Variants in RPRD2 observed in about 807,000 individuals in gnomAD.
RPRD2 encodes regulation of nuclear pre-mRNA domain containing 2.
In RPRD2, 12 loss-of-function variants were observed where a neutral mutation model predicts 104.4. The observed-to-expected ratio is 0.11, with a 90% confidence interval of 0.07 to 0.19. The LOEUF is 0.19. Among genes scored for constraint, RPRD2 ranks in the 10% least tolerant of loss-of-function variants. RPRD2 has a pLI of 1.00. For missense variants in RPRD2, 1,543 were observed against 1,790.1 expected (o/e 0.86, Z 2.49); for synonymous variants, 714 against 684.9 (o/e 1.04, Z -0.66).
At chr1:150,365,167 A>G (rs1659739354) in intron 1 of RPRD2, among the ~76,000 whole-genome samples, 1 of 152,226 alleles carries the variant, frequency 6.6e-6, no homozygotes, top group South Asian at 2.1e-4. Flanking sequence ...GCCCAGATCC[A>G]TGGAGATTTA....
intron 2 of RPRD2, among the ~76,000 whole-genome samples, chr1:150,421,432 T>C (rs1393479684): frequency 6.6e-6 from 1 of 152,164 alleles, no homozygotes; most frequent in Admixed American, 6.5e-5. Context: ...AAAAATACAT[T>C]TATTTCCTAA....
In RPRD2 at chr1:150,457,151, G is replaced by A. The variant is rs1667589090; in HGVS notation, c.871-137G>A. ...AGGTAGAAGGATCACTTCAACCCAG[G>A]AGGCAGAGGTTGCAGTGAACCAAGA... On this transcript the variant is annotated intron_variant, in intron 7 of 10. Transcript: ENST00000369068. 1.4e-5 allele frequency: 10 copies of A among 717,848 alleles called. No homozygotes were observed. In the South Asian group the frequency reaches 1.9e-4, roughly 14 times the overall value. 44.5% of individuals were successfully genotyped at this position (717,848 alleles called of 1,614,324 possible). A position where few individuals can be genotyped will look rare whatever the true frequency, so the allele number is the denominator to read the frequency against.
At position 150,471,036 on chromosome 1, in the gene RPRD2, G is replaced by A. The variant is rs765428597; in HGVS notation, c.2088G>A (p.Gly696=). Reference sequence around the variant, plus strand: ...ACATCCCAATCCTGAGCAGTTTGGGGTCCAGCGCCCCATCAGAGAGCCATC... The same window carrying A: ...ACATCCCAATCCTGAGCAGTTTGGGATCCAGCGCCCCATCAGAGAGCCATC... ...NLNIPILSSL[G]SSAPSESHPS... Residue 696 remains glycine, a synonymous_variant, in exon 11 of 11, where the codon GGG becomes GGA. Transcript: ENST00000369068. The surrounding 1 kb of genome is among the most constrained non-coding windows in gnomAD (Gnocchi z 5.3). 3.1e-6 allele frequency: 5 copies of A among 1,613,828 alleles called. No homozygotes were observed. In the African/African-American group the frequency reaches 6.7e-5, roughly 22 times the overall value.
At chr1:150,366,561 A>C (rs1379144317) in intron 1 of RPRD2, among the ~76,000 whole-genome samples, 3 of 152,212 alleles carry the variant, frequency 2.0e-5, no homozygotes, top group African/African-American at 7.2e-5. Context: ...CTATGTGCCC[A>C]GTCATCTCAT....
chr1:150,414,970 G>C (rs1271459747), intron 1 of RPRD2, among the ~76,000 whole-genome samples: 1 of 152,138 alleles, frequency 6.6e-6, no homozygotes, highest in Non-Finnish European at 1.5e-5. Context: ...TTTAAGATAG[G>C]AGAGACGTGC....
At chr1:150,433,634 T>C (rs13374465) in intron 2 of RPRD2, among the ~76,000 whole-genome samples, 62,223 of 147,374 alleles carry the variant, frequency 0.42, 13,651 homozygotes, top group East Asian at 0.71. Flanking sequence ...TTAGTAGAGA[T>C]GGGGTTTCAC....
rs1668578446 is a variant in RPRD2, at chr1:150,471,383, C to A, written c.2435C>A (p.Ser812Tyr). The A allele has an allele frequency of 6.2e-7, 1 of 1,613,698 alleles. No homozygotes were observed. Among genetic ancestry groups the A allele is most frequent in the African/African-American group, 1.3e-5 (1 of 74,886 alleles). The change falls in exon 11 of 11, where the codon TCC becomes TAC. Residue 812 changes from serine to tyrosine, a missense_variant. Physicochemically the swap from Ser to Tyr is moderately radical, Grantham distance 144. Transcript: ENST00000369068. This position sits in a 1 kb window ranked among gnomAD's most constrained non-coding sequence, Gnocchi z 5.3. ...QPSDGMERPS[S>Y]LMDSSQEKFY... ...TCTGATGGAATGGAGAGACCATCTT[C>A]CCTGATGGACTCTTCACAGGAAAAG...
chr1:150,464,310 A>G (rs1018591081), intron 9 of RPRD2, among the ~76,000 whole-genome samples: 2 of 151,076 alleles, frequency 1.3e-5, no homozygotes, highest in Non-Finnish European at 2.9e-5. Flanking sequence ...CGCCCGGCCA[A>G]TACTTGTTTG....
In RPRD2 at chr1:150,364,506, C is replaced by T. The variant is rs1659671997; in HGVS notation, c.-209C>T. 3.8e-6 allele frequency: 2 copies of T among 520,936 alleles called. No homozygotes were observed. Among genetic ancestry groups the T allele is most frequent in the Non-Finnish European group, 6.7e-6 (2 of 296,980 alleles). The allele number at this position is 520,936 out of a possible 1,614,324, so 32.3% of individuals were successfully genotyped here. ...AAACCTCCGAGACCCGCAGCCCCTC[C>T]TTGCAGCGTGTAGGAGCTGCCAGCG... On this transcript the variant is annotated 5_prime_UTR_variant, in exon 1 of 11. Coordinates refer to ENST00000369068, the MANE Select transcript of RPRD2 (RefSeq NM_015203.5).
intron 2 of RPRD2, among the ~76,000 whole-genome samples, chr1:150,430,798 G>T (rs1406125797): frequency 1.3e-5 from 2 of 151,932 alleles, no homozygotes; most frequent in Non-Finnish European, 2.9e-5. Flanking sequence ...ACCTGGTGGC[G>T]CATGCCTGTA....
intron 2 of RPRD2, among the ~76,000 whole-genome samples, chr1:150,433,694 T>A (rs1337693725): frequency 1.4e-5 from 2 of 140,736 alleles, no homozygotes; most frequent in Admixed American, 1.4e-4. Flanking sequence ...TCCGCCCGCC[T>A]CGGCCTCCCA....
rs999532971 is a variant in RPRD2 at position 150,474,798 on chromosome 1, G to C, written c.*1464G>C. 2.0e-5 allele frequency: 3 copies of C among 152,106 alleles called. No homozygotes were observed. The highest frequency in any genetic ancestry group is 7.2e-5 in the African/African-American group (3 of 41,406). 9.4% of individuals were successfully genotyped at this position (152,106 alleles called of 1,614,324 possible). A position where few individuals can be genotyped will look rare whatever the true frequency, so the allele number is the denominator to read the frequency against. ...TTAGTTTTCCAGAGAATTCTGGCAAGTTTCATATTTTCTTCCAAGTTAGTA... is the reference window on the plus strand; with the variant it reads ...TTAGTTTTCCAGAGAATTCTGGCAACTTTCATATTTTCTTCCAAGTTAGTA... On this transcript the variant is annotated 3_prime_UTR_variant, in exon 11 of 11. Transcript: ENST00000369068.
At chr1:150,405,019 T>C (rs1663357714) in intron 1 of RPRD2, among the ~76,000 whole-genome samples, 1 of 152,222 alleles carries the variant, frequency 6.6e-6, no homozygotes, top group African/African-American at 2.4e-5. Flanking sequence ...AATCTACCAA[T>C]ATTTCACGGA....
At chr1:150,382,318 C>T (rs1268382793) in intron 1 of RPRD2, among the ~76,000 whole-genome samples, 1 of 152,136 alleles carries the variant, frequency 6.6e-6, no homozygotes, top group Non-Finnish European at 1.5e-5. Flanking sequence ...ATAGCAACAT[C>T]TTGTAGTTCT....
chr1:150,415,744 G>T (rs1351627838), intron 1 of RPRD2, among the ~76,000 whole-genome samples: 1 of 152,182 alleles, frequency 6.6e-6, no homozygotes, highest in Non-Finnish European at 1.5e-5. Flanking sequence ...GGTTCTCAAG[G>T]TGTGAATAGA....
intron 9 of RPRD2, among the ~76,000 whole-genome samples, chr1:150,461,507 A>G (rs1345395507): frequency 1.3e-5 from 2 of 152,104 alleles, no homozygotes; most frequent in Non-Finnish European, 2.9e-5. Context: ...TAACTTATCT[A>G]ATCCTTTATT....
chr1:150,415,866 T>C (rs1184113988), intron 1 of RPRD2, among the ~76,000 whole-genome samples: 2 of 152,186 alleles, frequency 1.3e-5, no homozygotes, highest in Non-Finnish European at 2.9e-5. Flanking sequence ...TGTGACAAGA[T>C]AATTTCCATT....
intron 1 of RPRD2, among the ~76,000 whole-genome samples, chr1:150,368,148 G>T (rs1260010874): frequency 1.4e-5 from 2 of 147,516 alleles, no homozygotes; most frequent in Non-Finnish European, 3.0e-5. Context: ...TCATTGTTTA[G>T]ATCAAATCTC....
chr1:150,388,414 A>T (rs190754747), intron 1 of RPRD2, among the ~76,000 whole-genome samples: 7 of 148,844 alleles, frequency 4.7e-5, no homozygotes, highest in Non-Finnish European at 9.0e-5. Flanking sequence ...GTATATACAC[A>T]TGTATATATA....
Sources: gnomAD v4.1 joint callset for allele counts (sites outside exome capture counted in the v4.1 genomes callset) on GRCh38, gnomAD v4.1.1 for gene constraint, Gnocchi (gnomAD v3.1) non-coding constraint, MANE v1.5 for transcripts, NCBI Gene and HGNC (gene_info 2026-07-23, HGNC 2026-07-21) for gene names.